The following SLC9A9 variants were observed in gnomAD, a reference collection of about 807,000 sequenced individuals.
SLC9A9 encodes the protein solute carrier family 9 member A9, also known as sodium/hydrogen exchanger 9.
SLC9A9 carries 62 observed loss-of-function variants against 77.8 expected under a neutral mutation model. The ratio of observed to expected loss-of-function variants is 0.80; its 90% confidence interval spans 0.65 to 0.98. The LOEUF (loss-of-function observed/expected upper bound fraction) is 0.98. Among genes scored for constraint, SLC9A9 ranks in the 50% least tolerant of loss-of-function variants. The pLI is 0.00. For synonymous variants in SLC9A9, 320 were observed against 283.5 expected, an observed-to-expected ratio of 1.13 and a Z score of -1.29; for missense variants, 775 against 774.9, an observed-to-expected ratio of 1.00 and a Z score of 0.00.
intron 11 of SLC9A9, among the ~76,000 whole-genome samples, chr3:143,485,837 A>G (rs760260821): frequency 5.9e-5 from 9 of 152,148 alleles, no homozygotes; most frequent in Non-Finnish European, 1.2e-4. Flanking sequence ...TGTCTTAAAG[A>G]TGCTTGAAGA....
intron 9 of SLC9A9, among the ~76,000 whole-genome samples, chr3:143,545,348 A>G (rs773297629): frequency 6.6e-6 from 1 of 151,986 alleles, no homozygotes; most frequent in Non-Finnish European, 1.5e-5. Context: ...CTCCATGTTA[A>G]TATCTGCCAC....
chr3:143,635,169 C>G (rs1186697839), intron 6 of SLC9A9, among the ~76,000 whole-genome samples: 1 of 152,132 alleles, frequency 6.6e-6, no homozygotes, highest in Non-Finnish European at 1.5e-5. Context: ...GATGGATCGC[C>G]CACATGTCTG....
At chr3:143,362,797 G>A (rs1163923178) in intron 14 of SLC9A9, among the ~76,000 whole-genome samples, 1 of 152,164 alleles carries the variant, frequency 6.6e-6, no homozygotes, top group Non-Finnish European at 1.5e-5. Context: ...GCTTACTGCA[G>A]CTCACAATGG....
intron 4 of SLC9A9, among the ~76,000 whole-genome samples, chr3:143,780,896 CATAA>C (rs955730131): frequency 3.3e-5 from 5 of 152,166 alleles, no homozygotes; most frequent in African/African-American, 1.2e-4. Flanking sequence ...AAATTTATAA[CATAA>C]ATATTCTTTT....
chr3:143,718,267 G>C (rs1488803098), intron 4 of SLC9A9, among the ~76,000 whole-genome samples: 2 of 152,072 alleles, frequency 1.3e-5, no homozygotes, highest in Admixed American at 6.5e-5. Flanking sequence ...CTCACCTACT[G>C]GTTTGATTTG....
chr3:143,614,549 A>G (rs1432660570), intron 6 of SLC9A9, among the ~76,000 whole-genome samples: 2 of 152,210 alleles, frequency 1.3e-5, no homozygotes, highest in Non-Finnish European at 2.9e-5. Flanking sequence ...ACTGCCTAAT[A>G]AAAAGAGGAG....
intron 2 of SLC9A9, among the ~76,000 whole-genome samples, chr3:143,825,746 C>T (rs2009280039): frequency 6.6e-6 from 1 of 152,146 alleles, no homozygotes; most frequent in Non-Finnish European, 1.5e-5. Flanking sequence ...GGGTAGTTTC[C>T]TTTGACTTTT....
Position 143,591,373 on chromosome 3 carries a change from CAT to C in SLC9A9, c.756-12652_756-12651del, listed in dbSNP as rs565710853. Among the ~76,000 whole-genome samples, 291 of 152,332 alleles carry C rather than the reference CAT, an allele frequency of 1.9e-3. 1 individual carries two copies. Among genetic ancestry groups the C allele is most frequent in the Non-Finnish European group, 3.6e-3 (245 of 68,028 alleles). On this transcript the variant is annotated intron_variant, in intron 6 of 15. Transcript: ENST00000316549. Reference sequence around the variant, plus strand: ...GCCTCATTCCCACAGATTTCAGTGTCATGTGTGAAGCATGGGAACTGCAGGCC... The same window carrying C: ...GCCTCATTCCCACAGATTTCAGTGTCGTGTGAAGCATGGGAACTGCAGGCC...
chr3:143,557,478 A>G (rs62269793), intron 8 of SLC9A9, among the ~76,000 whole-genome samples: 32,800 of 152,146 alleles, frequency 0.22, 3,531 homozygotes, highest in African/African-American at 0.23. Context: ...TCAGAAGAAG[A>G]CAGGAAAATG....
chr3:143,556,159 C>G (rs1225809128), intron 8 of SLC9A9, among the ~76,000 whole-genome samples: 1 of 152,148 alleles, frequency 6.6e-6, no homozygotes, highest in East Asian at 1.9e-4. Flanking sequence ...TTTTTATATA[C>G]CCATGCCTGA....
chr3:143,363,703 A>G, intron 13 of SLC9A9, 140 bp from the exon 14 acceptor site: 1 of 697,656 alleles, frequency 1.4e-6, no homozygotes. Flanking sequence ...TAAATGGTGA[A>G]GCAGTTTCCA....
chr3:143,726,115 G>A (rs1417293295), intron 4 of SLC9A9, among the ~76,000 whole-genome samples: 1 of 151,238 alleles, frequency 6.6e-6, no homozygotes, highest in African/African-American at 2.4e-5. Context: ...ATTACTTTGA[G>A]AAATTAAAAA....
At chr3:143,691,060 T>C (rs1217366783) in intron 5 of SLC9A9, among the ~76,000 whole-genome samples, 1 of 152,124 alleles carries the variant, frequency 6.6e-6, no homozygotes, top group Non-Finnish European at 1.5e-5. Context: ...AGGATACTGT[T>C]AAATTCTAGC....
chr3:143,499,773 C>T (rs2108595630), intron 9 of SLC9A9, among the ~76,000 whole-genome samples: 1 of 152,034 alleles, frequency 6.6e-6, no homozygotes, highest in South Asian at 2.1e-4. Context: ...AAAGAAGTTC[C>T]CTTTTGTCCT....
intron 12 of SLC9A9, among the ~76,000 whole-genome samples, chr3:143,454,913 T>G (rs1021507724): frequency 6.6e-6 from 1 of 152,220 alleles, no homozygotes; most frequent in African/African-American, 2.4e-5. Flanking sequence ...TCCTCCTGAA[T>G]GTATGAGTTC....
intron 9 of SLC9A9, among the ~76,000 whole-genome samples, chr3:143,520,013 A>G (rs2036268923): frequency 6.6e-6 from 1 of 152,214 alleles, no homozygotes; most frequent in Non-Finnish European, 1.5e-5. Context: ...ACTACAGATT[A>G]GGAGAAGACT....
chr3:143,493,574 T>C (rs2108590756), intron 11 of SLC9A9, 79 bp downstream of exon 11: 1 of 1,359,090 alleles, frequency 7.4e-7, no homozygotes, highest in Non-Finnish European at 1.1e-6. Flanking sequence ...AAAAGGGTTC[T>C]AAATTTTCTC....
intron 6 of SLC9A9, among the ~76,000 whole-genome samples, chr3:143,646,376 G>A (rs992598949): frequency 6.8e-6 from 1 of 147,772 alleles, no homozygotes; most frequent in East Asian, 2.0e-4. Context: ...AATTTTAGGT[G>A]CATTTGCACA....
chr3:143,504,915 CA>C (rs1454732173), intron 9 of SLC9A9, among the ~76,000 whole-genome samples: 8 of 152,282 alleles, frequency 5.3e-5, no homozygotes, highest in African/African-American at 1.4e-4. Flanking sequence ...GCAGCCTCCC[CA>C]TTGTATACGA....
Sources: allele counts gnomAD v4.1 joint callset (sites outside exome capture counted in the v4.1 genomes callset), GRCh38; gene constraint gnomAD v4.1.1; transcripts MANE v1.5; gene names NCBI Gene and HGNC (gene_info 2026-07-23, HGNC 2026-07-21).